The following SKI variants were observed in gnomAD, a reference collection of about 807,000 sequenced individuals.
The protein encoded by SKI is SKI proto-oncogene.
SKI carries 23 observed loss-of-function variants against 59.3 expected under a neutral mutation model. The observed-to-expected ratio is 0.39, with a 90% CI of 0.28 to 0.55. SKI has a LOEUF of 0.55. Among genes scored for constraint, SKI ranks in the 20% least tolerant of loss-of-function variants. The probability of loss-of-function intolerance (pLI) is 0.67; values close to 1 mark genes in which losing one functional copy is unlikely to be tolerated. For missense variants in SKI, 1,017 were observed against 1,038.9 expected (o/e 0.98, Z 0.29); for synonymous variants, 673 against 488.6 (o/e 1.38, Z -4.98).
chr1:2,277,969 ACAT>A (rs566194435), intron 1 of SKI, among the ~76,000 whole-genome samples: 7 of 152,070 alleles, frequency 4.6e-5, no homozygotes, highest in Admixed American at 4.6e-4. Flanking sequence ...GTGCACGCAC[ACAT>A]CAGCACCCAT....
rs372950890 is a variant in SKI, at chr1:2,306,761, C to G, written c.2183C>G (p.Pro728Arg). 3 of 1,513,638 alleles carry G rather than the reference C, an allele frequency of 2.0e-6. No homozygotes were observed. The highest frequency in any genetic ancestry group is 2.3e-4 in the Middle Eastern group (1 of 4,312). The allele number at this position is 1,513,638 out of a possible 1,614,324, so 93.8% of individuals were successfully genotyped here. Residue 728 changes from proline to arginine, a missense_variant, in exon 7 of 7, where the codon CCG becomes CGG. Pro to Arg is a moderately radical substitution (Grantham distance 103). Coordinates refer to ENST00000378536, the MANE Select transcript of SKI (RefSeq NM_003036.4). Reference protein sequence around the residue: ...AGSEGAAELEP With the variant: ...AGSEGAAELER ...AGCGAGGGCGCTGCGGAGCTGGAGCCGTAGATTCCGTGCCTGCCGCCGCAG... is the reference window on the plus strand; with the variant it reads ...AGCGAGGGCGCTGCGGAGCTGGAGCGGTAGATTCCGTGCCTGCCGCCGCAG...
rs571741143 is a variant in SKI at position 2,283,005 on chromosome 1, C to T, written c.970-19973C>T. ...GGTGCTGGGAGACGGGAGCCAGTCT[C>T]GGACCCTCATCTGCCAGCAGCTCCT... On this transcript the variant is annotated intron_variant, in intron 1 of 6. Coordinates refer to ENST00000378536, the MANE Select transcript of SKI (RefSeq NM_003036.4). Among the ~76,000 whole-genome samples the T allele has an allele frequency of 4.2e-3, 637 of 152,274 alleles. 4 individuals carry two copies. The highest frequency in any genetic ancestry group is 8.1e-3 in the Non-Finnish European group (549 of 68,012).
Position 2,229,278 on chromosome 1 carries a change from C to T in SKI, c.512C>T (p.Ala171Val). ...LKVMGILPFS[A>V]PSCGLITKTD... ...GTCATGGGCATCCTGCCCTTCTCGG[C>T]GCCCTCGTGCGGGCTCATCACCAAG... Residue 171 changes from alanine (A) to valine (V), a missense_variant, in exon 1 of 7, where the codon GCG (alanine) becomes GTG (valine). Ala to Val is a moderately conservative substitution (Grantham distance 64). Coordinates refer to ENST00000378536, the MANE Select transcript of SKI (RefSeq NM_003036.4). This position sits in a 1 kb window ranked among gnomAD's most constrained non-coding sequence, Gnocchi z 6.3. The T allele has an allele frequency of 1.3e-6, 2 of 1,595,424 alleles. No homozygotes were observed. The highest frequency in any genetic ancestry group is 1.7e-6 in the Non-Finnish European group (2 of 1,171,754).
Position 2,304,106 on chromosome 1 carries a change from C to A in SKI, c.1474+4C>A, listed in dbSNP as rs780930093. The stretch of plus-strand genomic sequence containing the variant: ...GAAGTTGAAAGCAGGGAGGAATGTA[C>A]GTGTGAGTCGCTTTCTGTGCCTCCT... On this transcript the variant is annotated splice_donor_region_variant and intron_variant, in intron 4 of 6. Transcript: ENST00000378536. 5.6e-6 allele frequency: 9 copies of A among 1,612,192 alleles called. No individual in the cohort carries two copies. Among genetic ancestry groups the A allele is most frequent in the Non-Finnish European group, 7.6e-6 (9 of 1,179,710 alleles).
chr1:2,243,657 G>A (rs938700622), intron 1 of SKI, among the ~76,000 whole-genome samples: 1 of 152,174 alleles, frequency 6.6e-6, no homozygotes, highest in Admixed American at 6.5e-5. Context: ...CTTCCAAAGC[G>A]TCCCAACACT....
At chr1:2,297,921 C>G (rs528893671) in intron 1 of SKI, among the ~76,000 whole-genome samples, 4 of 152,236 alleles carry the variant, frequency 2.6e-5, no homozygotes, top group Non-Finnish European at 5.9e-5. Flanking sequence ...GCTGAGGGGA[C>G]GCACGGGAGG....
chr1:2,306,891 C>A lies in SKI; in HGVS notation c.*126C>A. The A allele has an allele frequency of 3.2e-6, 2 of 619,650 alleles. No homozygotes were observed. Among genetic ancestry groups the A allele is most frequent in the Non-Finnish European group, 4.6e-6 (2 of 431,868 alleles). 38.4% of individuals were successfully genotyped at this position (619,650 alleles called of 1,614,324 possible). A position where few individuals can be genotyped will look rare whatever the true frequency, so the allele number is the denominator to read the frequency against. On this transcript the variant is annotated 3_prime_UTR_variant, in exon 7 of 7. Transcript: ENST00000378536. ...CACAACGTCTTACCGTGCCTATTACCAAGCGAGTGTTTGTAACCATGTAGT... is the reference window on the plus strand; with the variant it reads ...CACAACGTCTTACCGTGCCTATTACAAAGCGAGTGTTTGTAACCATGTAGT...
intron 1 of SKI, among the ~76,000 whole-genome samples, chr1:2,272,772 G>A (rs1287174903): frequency 2.0e-5 from 3 of 152,178 alleles, no homozygotes; most frequent in Non-Finnish European, 4.4e-5. Flanking sequence ...CGTCTCCCCT[G>A]CCCCGGCCTA....
rs1640062002 is a variant in SKI, at chr1:2,287,411, A to G, written c.970-15567A>G. Among the ~76,000 whole-genome samples the G allele has an allele frequency of 2.0e-5, 3 of 146,524 alleles. No homozygotes were observed. The South Asian group carries it at 6.4e-4, about 31-fold the overall frequency. On this transcript the variant is annotated intron_variant, in intron 1 of 6. Transcript: ENST00000378536. ...GAGGGCAGTGGCGCGATCTCGGCTCACTGCAAGCTCCGCCTCCCGGGTTCA... is the reference window on the plus strand; with the variant it reads ...GAGGGCAGTGGCGCGATCTCGGCTCGCTGCAAGCTCCGCCTCCCGGGTTCA...
At chr1:2,245,357 T>G (rs971721416) in intron 1 of SKI, among the ~76,000 whole-genome samples, 4 of 152,182 alleles carry the variant, frequency 2.6e-5, no homozygotes, top group Admixed American at 2.6e-4. Flanking sequence ...TTCCACAGTT[T>G]AGCTGTCGTG....
chr1:2,233,234 T>G (rs1158052548), intron 1 of SKI, among the ~76,000 whole-genome samples: 32 of 77,064 alleles, frequency 4.2e-4, no homozygotes, highest in Admixed American at 5.5e-4. Flanking sequence ...ACAGGGCTGG[T>G]GGGGGGGGTC....
chr1:2,306,906 A>G lies in SKI; in HGVS notation c.*141A>G. On this transcript the variant is annotated 3_prime_UTR_variant, in exon 7 of 7. Transcript: ENST00000378536. ...TGCCTATTACCAAGCGAGTGTTTGT[A>G]ACCATGTAGTTTTGGAACCCACTGC... 1.8e-6 allele frequency: 1 copy of G among 570,028 alleles called. No individual in the cohort carries two copies. The allele number at this position is 570,028 out of a possible 1,614,324, so 35.3% of individuals were successfully genotyped here.
chr1:2,284,979 T>C (rs1451430521), intron 1 of SKI, among the ~76,000 whole-genome samples: 1 of 152,234 alleles, frequency 6.6e-6, no homozygotes, highest in African/African-American at 2.4e-5. Context: ...TTTTGTAAAT[T>C]AACAGGACAG....
Position 2,228,577 on chromosome 1 carries a change from C to G in SKI, c.-190C>G, listed in dbSNP as rs1270711756. 6.1e-5 allele frequency: 9 copies of G among 146,408 alleles called. No homozygotes were observed. Among genetic ancestry groups the G allele is most frequent in the African/African-American group, 1.8e-4 (7 of 39,552 alleles). The allele number at this position is 146,408 out of a possible 1,614,324, so 9.1% of individuals were successfully genotyped here. A position where few individuals can be genotyped will look rare whatever the true frequency, so the allele number is the denominator to read the frequency against. On this transcript the variant is annotated 5_prime_UTR_variant, in exon 1 of 7. Coordinates refer to ENST00000378536, the MANE Select transcript of SKI (RefSeq NM_003036.4). ...GCGGCGGCGGGCTCCAGCGGCGGGA[C>G]CCCTTCGCCCCGCCCGCCTTCCCCT...
At chr1:2,239,828 G>A (rs77354908) in intron 1 of SKI, among the ~76,000 whole-genome samples, 1 of 152,234 alleles carries the variant, frequency 6.6e-6, no homozygotes, top group Non-Finnish European at 1.5e-5. Flanking sequence ...GCGTCCCAGT[G>A]TGCCTGGGCA....
In SKI at chr1:2,229,126, C is replaced by A. The variant is rs375024753; in HGVS notation, c.360C>A (p.Arg120=). ...GCTTCGTGGTGGGAGGCGAGAAGCG[C>A]CTGTGTCTGCCGCAGATTCTCAACT... ...ISCFVVGGEK[R]LCLPQILNSV... The change falls in exon 1 of 7, where the codon CGC becomes CGA. Residue 120 remains arginine, a synonymous_variant. Transcript: ENST00000378536. The surrounding 1 kb of genome is among the most constrained non-coding windows in gnomAD (Gnocchi z 6.3). 1 of 1,611,100 alleles carries A rather than the reference C, an allele frequency of 6.2e-7. No homozygotes were observed. The highest frequency in any genetic ancestry group is 8.5e-7 in the Non-Finnish European group (1 of 1,179,908).
intron 1 of SKI, among the ~76,000 whole-genome samples, chr1:2,284,321 C>T (rs1639984432): frequency 6.6e-6 from 1 of 152,358 alleles, no homozygotes; most frequent in South Asian, 2.1e-4. Context: ...TCCTCTCCCA[C>T]CCCGAGGCGG....
At chr1:2,301,251 C>T (rs527247294) in intron 1 of SKI, among the ~76,000 whole-genome samples, 1 of 152,326 alleles carries the variant, frequency 6.6e-6, no homozygotes, top group East Asian at 1.9e-4. Flanking sequence ...CGGTCAGGGC[C>T]TCCGCCAGAC....
chr1:2,237,929 C>T (rs1224826641), intron 1 of SKI, among the ~76,000 whole-genome samples: 1 of 152,218 alleles, frequency 6.6e-6, no homozygotes, highest in African/African-American at 2.4e-5. Context: ...GGACGGGTTA[C>T]TTAAGGAGTC....
Sources: allele counts gnomAD v4.1 joint callset (sites outside exome capture counted in the v4.1 genomes callset), GRCh38; gene constraint gnomAD v4.1.1; non-coding constraint Gnocchi (gnomAD v3.1); transcripts MANE v1.5; gene names NCBI Gene and HGNC (gene_info 2026-07-23, HGNC 2026-07-21).